PUDP: variants seen among roughly 807,000 people sequenced by gnomAD.
The protein encoded by PUDP is pseudouridine-5'-phosphatase.
Under a neutral mutation model 9.4 loss-of-function variants are expected in PUDP, and 8 were observed. The observed-to-expected ratio is 0.85, with a 90% CI of 0.50 to 1.53. PUDP has a LOEUF of 1.53. PUDP is among the 40% of genes most tolerant of loss of function. The pLI, the probability that PUDP is intolerant of heterozygous loss-of-function variation, is 0.00. For synonymous variants in PUDP, 99 were observed against 80.7 expected (o/e 1.23, Z -1.22); for missense variants, 188 against 189.7 (o/e 0.99, Z 0.05).
intron 3 of PUDP, among the ~76,000 whole-genome samples, chrX:6,849,854 T>TA (rs1305922732): frequency 3.6e-5 from 4 of 111,585 alleles, no homozygotes; most frequent in South Asian, 3.7e-4. Flanking sequence ...CACAGCACAG[T>TA]AAAAAAAACC....
intron 3 of PUDP, among the ~76,000 whole-genome samples, chrX:6,945,376 G>GT (rs1324631857): frequency 9.0e-6 from 1 of 111,342 alleles, no homozygotes; most frequent in Non-Finnish European, 1.9e-5. Flanking sequence ...ACATACCTGT[G>GT]TTTTTTCCCC....
intron 3 of PUDP, among the ~76,000 whole-genome samples, chrX:6,816,389 T>C (rs1385324223): frequency 9.6e-6 from 1 of 104,089 alleles, no homozygotes; most frequent in Non-Finnish European, 1.9e-5. Flanking sequence ...ATAGATAGTA[T>C]ATGTATAGTA....
At chrX:6,876,865 A>G (rs774843509) in intron 3 of PUDP, among the ~76,000 whole-genome samples, 1 of 110,752 alleles carries the variant, frequency 9.0e-6, no homozygotes, top group East Asian at 2.8e-4. Flanking sequence ...ATGTGTATAC[A>G]CACACATATA....
intron 3 of PUDP, among the ~76,000 whole-genome samples, chrX:6,827,066 C>G (rs1225112594): frequency 2.7e-5 from 3 of 111,962 alleles, no homozygotes; most frequent in African/African-American, 9.7e-5. Context: ...TCAGGGATGC[C>G]TAAGTGGCGA....
chrX:6,992,921 T>C (rs1407902101), intron 1 of PUDP, among the ~76,000 whole-genome samples: 1 of 111,833 alleles, frequency 8.9e-6, no homozygotes, highest in Non-Finnish European at 1.9e-5. Flanking sequence ...ATGAGTCTTC[T>C]GGCCTCCATC....
At chrX:6,987,070 G>A (rs754353837) in intron 1 of PUDP, among the ~76,000 whole-genome samples, 3 of 112,120 alleles carry the variant, frequency 2.7e-5, no homozygotes, top group African/African-American at 6.5e-5. Flanking sequence ...CACCTCTGAT[G>A]TGGGAAACCT....
intron 3 of PUDP, among the ~76,000 whole-genome samples, chrX:6,747,200 T>C (rs1215848643): frequency 8.9e-6 from 1 of 112,287 alleles, no homozygotes; most frequent in African/African-American, 3.2e-5. Flanking sequence ...GAATTATTGA[T>C]GCCCAAAGGA....
chrX:6,796,152 C>T (rs1027406250), intron 3 of PUDP, among the ~76,000 whole-genome samples: 1 of 112,162 alleles, frequency 8.9e-6, no homozygotes, highest in African/African-American at 3.2e-5. Context: ...ACCCCAAACC[C>T]ATGTCTTATT....
At chrX:6,717,079 A>C (rs1257567483) in intron 1 of PUDP, among the ~76,000 whole-genome samples, 1 of 111,756 alleles carries the variant, frequency 8.9e-6, no homozygotes, top group Non-Finnish European at 1.9e-5. Context: ...AGAATATATT[A>C]AATCTTATAA....
intron 1 of PUDP, among the ~76,000 whole-genome samples, chrX:7,024,908 T>C (rs1929688195): frequency 9.1e-6 from 1 of 109,589 alleles, no homozygotes; most frequent in Admixed American, 9.7e-5. Flanking sequence ...CCTAGCCTTC[T>C]TTGTCTGAGT....
chrX:6,719,964 T>C (rs1602597845), intron 1 of PUDP, among the ~76,000 whole-genome samples: 1 of 109,693 alleles, frequency 9.1e-6, no homozygotes, highest in African/African-American at 3.3e-5. Flanking sequence ...TTTGCATATA[T>C]ATCCGAGGGA....
intron 3 of PUDP, among the ~76,000 whole-genome samples, chrX:6,849,644 C>T (rs979114402): frequency 8.9e-6 from 1 of 111,803 alleles, no homozygotes. Context: ...CAGAGCCCTG[C>T]CCCCATGTGC....
At chrX:6,899,673 AGATGAT>A (rs72211121) in intron 3 of PUDP, among the ~76,000 whole-genome samples, 1,060 of 105,345 alleles carry the variant, frequency 0.01, 15 homozygotes, top group African/African-American at 0.033. Flanking sequence ...TCTGTGATAG[AGATGAT>A]GATGATGATG....
intron 2 of PUDP, among the ~76,000 whole-genome samples, chrX:7,097,550 C>A (rs778566167): frequency 8.9e-6 from 1 of 111,915 alleles, no homozygotes; most frequent in South Asian, 3.8e-4. Flanking sequence ...TCTCATTTTG[C>A]TGTGCAACAA....
chrX:7,018,815 C>T (rs1471632244), intron 1 of PUDP, among the ~76,000 whole-genome samples: 2 of 111,258 alleles, frequency 1.8e-5, no homozygotes, highest in East Asian at 2.8e-4. Context: ...ACTTGCTGGT[C>T]GGCATTCCCA....
intron 3 of PUDP, among the ~76,000 whole-genome samples, chrX:6,781,164 C>T (rs918923676): frequency 1.8e-5 from 2 of 111,814 alleles, no homozygotes; most frequent in African/African-American, 6.5e-5. Flanking sequence ...CACACAACAA[C>T]AATAACAACA....
intron 3 of PUDP, among the ~76,000 whole-genome samples, chrX:6,800,813 T>C (rs890370928): frequency 8.9e-6 from 1 of 111,921 alleles, no homozygotes; most frequent in African/African-American, 3.2e-5. Flanking sequence ...GTCCCATTCT[T>C]GTTAACAACC....
At position 6,962,068 on chromosome X, in the gene PUDP, C is replaced by T. The variant is rs1252336459; in HGVS notation, c.*247+15065G>A. Among the ~76,000 whole-genome samples, 3 of 111,545 alleles carry T rather than the reference C, an allele frequency of 2.7e-5. 1 individual carries two copies. The highest frequency in any genetic ancestry group is 1.9e-5 in the Non-Finnish European group (1 of 53,096). ...GATCTGAAAGAACTAACAAGTAAAA[C>T]AATCATTTTAATTTTCCATGTATGG... On this transcript the variant is annotated intron_variant and NMD_transcript_variant, in intron 3 of 3. Transcript: ENST00000655425.
intron 3 of PUDP, among the ~76,000 whole-genome samples, chrX:6,866,408 G>A (rs1478170294): frequency 1.8e-5 from 2 of 111,132 alleles, no homozygotes; most frequent in African/African-American, 6.5e-5. Context: ...GTGCACCCTT[G>A]CCACAGGAGC....
Sources: gnomAD v4.1 joint callset for allele counts (sites outside exome capture counted in the v4.1 genomes callset) on GRCh38, gnomAD v4.1.1 for gene constraint, MANE v1.5 for transcripts, NCBI Gene and HGNC (gene_info 2026-07-23, HGNC 2026-07-21) for gene names.